The following ZNF678 variants were observed in gnomAD, a reference collection of about 807,000 sequenced individuals.
ZNF678 encodes the protein zinc finger protein 678.
In ZNF678, 5 loss-of-function variants were observed where a neutral mutation model predicts 3.0. The ratio of observed to expected loss-of-function variants is 1.69; its 90% CI spans 0.88 to 3.56. The LOEUF (loss-of-function observed/expected upper bound fraction) is 3.56. ZNF678 is among the 30% of genes most tolerant of loss of function. The pLI is 0.00. For synonymous variants in ZNF678, 218 were observed against 199.6 expected, an observed-to-expected ratio of 1.09 and a Z score of -0.78; for missense variants, 593 against 605.0, an observed-to-expected ratio of 0.98 and a Z score of 0.21.
intron 1 of ZNF678, among the ~76,000 whole-genome samples, chr1:227,608,375 C>G (rs1657930391): frequency 6.6e-6 from 1 of 151,888 alleles, no homozygotes; most frequent in South Asian, 2.1e-4. Context: ...AATAAATACT[C>G]ATTTGGGTCA....
At chr1:227,636,975 A>G (rs1187615091) in intron 1 of ZNF678, among the ~76,000 whole-genome samples, 2 of 152,216 alleles carry the variant, frequency 1.3e-5, no homozygotes, top group Admixed American at 1.3e-4. Context: ...GTCAGAGCTC[A>G]AGTGAGGGCG....
intron 1 of ZNF678, among the ~76,000 whole-genome samples, chr1:227,603,775 G>A (rs553307999): frequency 4.6e-5 from 7 of 152,270 alleles, no homozygotes; most frequent in African/African-American, 1.7e-4. Context: ...TGTATTCAGT[G>A]GACTTCAAGT....
chr1:227,588,193 TGG>T (rs1657313290), intron 1 of ZNF678, among the ~76,000 whole-genome samples: 2 of 152,212 alleles, frequency 1.3e-5, no homozygotes, highest in African/African-American at 4.8e-5. Flanking sequence ...TAGTATTCCA[TGG>T]TGTGCATGTA....
chr1:227,566,838 A>C (rs1656701145), intron 1 of ZNF678, among the ~76,000 whole-genome samples: 1 of 152,154 alleles, frequency 6.6e-6, no homozygotes, highest in East Asian at 1.9e-4. Context: ...GAGTGAGTGT[A>C]GTAAGTTTCT....
chr1:227,566,751 C>A (rs941819597), intron 1 of ZNF678, among the ~76,000 whole-genome samples: 2 of 152,076 alleles, frequency 1.3e-5, no homozygotes, highest in Non-Finnish European at 2.9e-5. Context: ...AGGGTATGAA[C>A]GTGGTGAATT....
chr1:227,602,687 TG>T (rs1657765019), intron 1 of ZNF678, among the ~76,000 whole-genome samples: 1 of 152,240 alleles, frequency 6.6e-6, no homozygotes, highest in African/African-American at 2.4e-5. Context: ...TTTTAGGTAT[TG>T]GGCTCTAAGC....
At chr1:227,584,934 C>T (rs1284941681) in intron 1 of ZNF678, among the ~76,000 whole-genome samples, 1 of 152,116 alleles carries the variant, frequency 6.6e-6, no homozygotes, top group African/African-American at 2.4e-5. Flanking sequence ...TAATTTGCTA[C>T]AACTGAATTT....
chr1:227,598,958 AT>A, intron 1 of ZNF678: 5 of 924,822 alleles, frequency 5.4e-6, no homozygotes, highest in Admixed American at 1.8e-5. Flanking sequence ...GTTCTCATTC[AT>A]TTTTTTCTTC....
intron 1 of ZNF678, among the ~76,000 whole-genome samples, chr1:227,639,673 A>C (rs1658769564): frequency 6.6e-6 from 1 of 152,198 alleles, no homozygotes; most frequent in Non-Finnish European, 1.5e-5. Flanking sequence ...CGGTGTCCAG[A>C]GGCCCCGTCT....
intron 1 of ZNF678, among the ~76,000 whole-genome samples, chr1:227,567,419 A>C (rs1281598232): frequency 6.6e-6 from 1 of 152,180 alleles, no homozygotes; most frequent in Non-Finnish European, 1.5e-5. Context: ...TGAGCCTGCA[A>C]AAGAAGGTCA....
At chr1:227,629,267 G>T in intron 1 of ZNF678, among the ~76,000 whole-genome samples, 1 of 152,256 alleles carries the variant, frequency 6.6e-6, no homozygotes, top group Non-Finnish European at 1.5e-5. Context: ...TTCTTTACTC[G>T]TCCATATTGT....
intron 1 of ZNF678, 87 bp from the exon 2 acceptor site, chr1:227,646,457 T>C: frequency 7.9e-7 from 1 of 1,271,136 alleles, no homozygotes; most frequent in Non-Finnish European, 1.0e-6. Context: ...CAGAACAAGT[T>C]CACTTTACTC....
In ZNF678 at chr1:227,639,780, A is replaced by AG. The variant is rs536998704; in HGVS notation, c.-163-6761dup. The stretch of plus-strand genomic sequence containing the variant: ...AATTGTATCAGCATGTGCCTGAGCT[A>AG]GGGTGCAGATACAGTCCCGGTCTTC... On this transcript the variant is annotated intron_variant, in intron 1 of 3. Coordinates refer to ENST00000343776, the MANE Select transcript of ZNF678 (RefSeq NM_001367909.1). 7.2e-5 allele frequency among the ~76,000 whole-genome samples: 11 copies of AG among 152,274 alleles called. No homozygotes were observed. The South Asian group carries it at 2.3e-3, about 32-fold the overall frequency.
Position 227,578,223 on chromosome 1 carries a change from A to G in ZNF678, c.-164+14499A>G, listed in dbSNP as rs190262028. On this transcript the variant is annotated intron_variant, in intron 1 of 3. Coordinates refer to ENST00000343776, the MANE Select transcript of ZNF678 (RefSeq NM_001367909.1). ...CTGATGATTATATGTCTTAAAGATG[A>G]TCTTGTTTTGATGTGTCTTACTGGT... is the stretch of plus-strand genomic sequence containing the variant. 5.6e-4 allele frequency among the ~76,000 whole-genome samples: 85 copies of G among 152,194 alleles called. 1 individual carries two copies. Among genetic ancestry groups the G allele is most frequent in the Middle Eastern group, 3.4e-3 (1 of 294 alleles).
intron 1 of ZNF678, among the ~76,000 whole-genome samples, chr1:227,623,437 A>G (rs897657833): frequency 6.6e-6 from 1 of 152,242 alleles, no homozygotes; most frequent in Non-Finnish European, 1.5e-5. Context: ...AGAACTTAAT[A>G]AGTAAAAATT....
At chr1:227,570,621 A>G (rs143405491) in intron 1 of ZNF678, among the ~76,000 whole-genome samples, 2 of 151,128 alleles carry the variant, frequency 1.3e-5, no homozygotes, top group South Asian at 2.1e-4. Context: ...GTCATGAGCC[A>G]CTGTGCCTGG....
chr1:227,565,185 C>A (rs1367483686), intron 1 of ZNF678, among the ~76,000 whole-genome samples: 1 of 151,934 alleles, frequency 6.6e-6, no homozygotes, highest in Non-Finnish European at 1.5e-5. Flanking sequence ...CCTGCCTCAG[C>A]ATCCCAAGTA....
intron 1 of ZNF678, among the ~76,000 whole-genome samples, chr1:227,565,782 C>T (rs1469117858): frequency 1.3e-5 from 2 of 151,782 alleles, no homozygotes; most frequent in Non-Finnish European, 2.9e-5. Flanking sequence ...TTTTTTGAGA[C>T]GGAGTCTCGC....
intron 1 of ZNF678, among the ~76,000 whole-genome samples, chr1:227,599,364 C>T (rs1288735678): frequency 4.6e-5 from 7 of 152,162 alleles, no homozygotes; most frequent in East Asian, 1.9e-4. Context: ...GAGAGAAGGC[C>T]GAAGCAGGCC....
Sources: allele counts gnomAD v4.1 joint callset (sites outside exome capture counted in the v4.1 genomes callset), GRCh38; gene constraint gnomAD v4.1.1; transcripts MANE v1.5; gene names NCBI Gene and HGNC (gene_info 2026-07-23, HGNC 2026-07-21).